The following C8orf34 variants were observed in gnomAD, a reference collection of about 807,000 sequenced individuals.
C8orf34 encodes the protein uncharacterized protein C8orf34.
C8orf34 carries 65 observed loss-of-function variants against 68.3 expected under a neutral mutation model. That is an observed-to-expected ratio of 0.95 (90% CI 0.78 to 1.17). The LOEUF (loss-of-function observed/expected upper bound fraction) is 1.17. C8orf34 is among the 50% of genes most tolerant of loss of function. The pLI, the probability that C8orf34 is intolerant of heterozygous loss-of-function variation, is 0.00. For synonymous variants in C8orf34, 244 were observed against 241.2 expected, an observed-to-expected ratio of 1.01 and a Z score of -0.11; for missense variants, 664 against 655.4, an observed-to-expected ratio of 1.01 and a Z score of -0.14.
intron 2 of C8orf34, among the ~76,000 whole-genome samples, chr8:68,443,642 G>A (rs558310486): frequency 4.0e-5 from 6 of 151,774 alleles, no homozygotes; most frequent in South Asian, 4.2e-4. Context: ...TCTTGACCTC[G>A]TGATCTGCCC....
intron 8 of C8orf34, among the ~76,000 whole-genome samples, chr8:68,664,653 G>A (rs1286712865): frequency 6.6e-6 from 1 of 152,140 alleles, no homozygotes; most frequent in East Asian, 1.9e-4. Flanking sequence ...TGAACACTGA[G>A]GAACATCTGT....
intron 7 of C8orf34, among the ~76,000 whole-genome samples, chr8:68,553,329 G>A (rs1816138689): frequency 6.9e-6 from 1 of 143,946 alleles, no homozygotes; most frequent in African/African-American, 2.6e-5. Context: ...AGCTTGCAAT[G>A]AGCTGAGATG....
At chr8:68,557,242 C>T (rs1816282608) in intron 7 of C8orf34, among the ~76,000 whole-genome samples, 1 of 152,066 alleles carries the variant, frequency 6.6e-6, no homozygotes, top group African/African-American at 2.4e-5. Flanking sequence ...TTTTAGTTGG[C>T]ACTTAGTTCT....
At chr8:68,472,107 A>G (rs1812404416) in intron 4 of C8orf34, among the ~76,000 whole-genome samples, 1 of 152,110 alleles carries the variant, frequency 6.6e-6, no homozygotes, top group African/African-American at 2.4e-5. Flanking sequence ...TCAATCATAA[A>G]CTGTGGCAAT....
At chr8:68,530,118 A>G (rs183835811) in intron 6 of C8orf34, among the ~76,000 whole-genome samples, 2 of 152,220 alleles carry the variant, frequency 1.3e-5, no homozygotes, top group African/African-American at 4.8e-5. Context: ...ATAAAATTTA[A>G]AGTTATGAAG....
rs80299399 is a variant in C8orf34 at position 68,341,927 on chromosome 8, G to A, written c.327+10588G>A. On this transcript the variant is annotated intron_variant, in intron 1 of 13. Transcript: ENST00000518698. ...CAGGGGTTGAGGGTGGAGTGTGTGAGGAGAAAGATTGGAAGATGTTGGTCA... is the reference window on the plus strand; with the variant it reads ...CAGGGGTTGAGGGTGGAGTGTGTGAAGAGAAAGATTGGAAGATGTTGGTCA... 7.9e-3 allele frequency among the ~76,000 whole-genome samples: 1,198 copies of A among 152,282 alleles called. 19 individuals are homozygous for A. The highest frequency in any genetic ancestry group is 0.026 in the African/African-American group (1,101 of 41,554).
chr8:68,473,923 C>T (rs1017499050), intron 4 of C8orf34, among the ~76,000 whole-genome samples: 1 of 152,190 alleles, frequency 6.6e-6, no homozygotes, highest in Non-Finnish European at 1.5e-5. Flanking sequence ...TCCCTGCTCA[C>T]CTCCTTTCTG....
At chr8:68,607,023 T>A (rs907414048) in intron 7 of C8orf34, among the ~76,000 whole-genome samples, 2 of 152,108 alleles carry the variant, frequency 1.3e-5, no homozygotes, top group Non-Finnish European at 2.9e-5. Flanking sequence ...TATCTCCAGA[T>A]GTTTACCATT....
chr8:68,332,757 A>G (rs1805682441), intron 1 of C8orf34, among the ~76,000 whole-genome samples: 1 of 152,132 alleles, frequency 6.6e-6, no homozygotes, highest in Non-Finnish European at 1.5e-5. Flanking sequence ...GTTTCAATTG[A>G]AGCTCGCATT....
intron 1 of C8orf34, among the ~76,000 whole-genome samples, chr8:68,373,310 A>G (rs369201088): frequency 3.9e-5 from 6 of 152,306 alleles, no homozygotes; most frequent in East Asian, 1.9e-4. Flanking sequence ...TGGTAATTTC[A>G]TAACTGTCAA....
At chr8:68,411,574 G>A (rs1809445607) in intron 1 of C8orf34, among the ~76,000 whole-genome samples, 1 of 152,028 alleles carries the variant, frequency 6.6e-6, no homozygotes. Context: ...GAATAATTTT[G>A]GTACTAAGCA....
At chr8:68,545,286 C>T (rs1311001977) in intron 7 of C8orf34, among the ~76,000 whole-genome samples, 1 of 152,110 alleles carries the variant, frequency 6.6e-6, no homozygotes, top group Non-Finnish European at 1.5e-5. Flanking sequence ...TTGTGTGCCA[C>T]CATGTAAGAC....
intron 3 of C8orf34, among the ~76,000 whole-genome samples, chr8:68,454,476 T>C (rs1190720144): frequency 1.3e-5 from 2 of 152,078 alleles, no homozygotes; most frequent in African/African-American, 4.8e-5. Context: ...TTCTATTTCC[T>C]CTTGAGTCAG....
intron 1 of C8orf34, among the ~76,000 whole-genome samples, chr8:68,396,323 A>G (rs1158251261): frequency 6.6e-6 from 1 of 152,072 alleles, no homozygotes; most frequent in African/African-American, 2.4e-5. Context: ...TTAATTATTA[A>G]TGATCATTAT....
At chr8:68,694,283 C>G (rs1820765938) in intron 8 of C8orf34, among the ~76,000 whole-genome samples, 1 of 149,792 alleles carries the variant, frequency 6.7e-6, no homozygotes, top group South Asian at 2.1e-4. Flanking sequence ...AAGTGTTTGA[C>G]AGAATGACAC....
At chr8:68,555,628 T>A (rs774880925) in intron 7 of C8orf34, among the ~76,000 whole-genome samples, 1 of 152,158 alleles carries the variant, frequency 6.6e-6, no homozygotes, top group Non-Finnish European at 1.5e-5. Context: ...TTTTGGTTTT[T>A]ATTCTATTAT....
chr8:68,555,020 T>A (rs1273395788), intron 7 of C8orf34, among the ~76,000 whole-genome samples: 1 of 152,160 alleles, frequency 6.6e-6, no homozygotes, highest in Non-Finnish European at 1.5e-5. Flanking sequence ...ATTTTGCCAC[T>A]TTTTTATGTT....
chr8:68,784,671 T>G (rs1453515181), intron 11 of C8orf34, among the ~76,000 whole-genome samples: 1 of 152,206 alleles, frequency 6.6e-6, no homozygotes, highest in African/African-American at 2.4e-5. Flanking sequence ...ATTTATTGCA[T>G]ATTTTGGATA....
At chr8:68,352,468 A>T (rs1282507257) in intron 1 of C8orf34, among the ~76,000 whole-genome samples, 4 of 152,086 alleles carry the variant, frequency 2.6e-5, no homozygotes, top group African/African-American at 4.8e-5. Context: ...TTTTATAGAC[A>T]TTATGCAAAG....
Sources: allele counts gnomAD v4.1 joint callset (sites outside exome capture counted in the v4.1 genomes callset), GRCh38; gene constraint gnomAD v4.1.1; transcripts MANE v1.5; gene names NCBI Gene and HGNC (gene_info 2026-07-23, HGNC 2026-07-21).